IKZF2: variants seen among roughly 807,000 people sequenced by gnomAD.
IKZF2 encodes the protein zinc finger protein Helios.
Under a neutral mutation model 49.2 loss-of-function variants are expected in IKZF2, and 15 were observed. The observed-to-expected ratio is 0.30, with a 90% CI of 0.20 to 0.47. The LOEUF is 0.47. Ranked by LOEUF, IKZF2 falls within the 20% of genes least tolerant of loss-of-function variation. The pLI is 1.00. For missense variants in IKZF2, 567 were observed against 664.6 expected (o/e 0.85, Z 1.61); for synonymous variants, 227 against 221.4 (o/e 1.03, Z -0.23).
chr2:213,139,682 T>C (rs1392462005), intron 4 of IKZF2, among the ~76,000 whole-genome samples: 1 of 151,998 alleles, frequency 6.6e-6, no homozygotes, highest in Non-Finnish European at 1.5e-5. Flanking sequence ...CCACTCTAAG[T>C]GTGCCACAAA....
Position 213,083,384 on chromosome 2 carries a change from C to CTTTTTTTTT in IKZF2, c.140-26294_140-26286dup, listed in dbSNP as rs753296985. ...ACTAGATTCTCATAGGACGGCGAACCTTTTTTTTTTTTTTTTTTTTTTTGA... is the reference window on the plus strand; with the variant it reads ...ACTAGATTCTCATAGGACGGCGAACCTTTTTTTTTTTTTTTTTTTTTTTTTTTTTTTTGA... On this transcript the variant is annotated intron_variant, in intron 4 of 8. Transcript: ENST00000434687. Among the ~76,000 whole-genome samples, 9 of 80,158 alleles carry CTTTTTTTTT rather than the reference C, an allele frequency of 1.1e-4. 1 individual carries two copies. The highest frequency in any genetic ancestry group is 3.6e-4 in the African/African-American group (6 of 16,716). The allele number at this position is 80,158 out of a possible 152,430, so 52.6% of individuals were successfully genotyped here. A position where few individuals can be genotyped will look rare whatever the true frequency, so the allele number is the denominator to read the frequency against.
At chr2:213,008,524 G>A (rs976089609) in intron 8 of IKZF2, among the ~76,000 whole-genome samples, 11 of 151,920 alleles carry the variant, frequency 7.2e-5, no homozygotes, top group African/African-American at 2.4e-4. Flanking sequence ...GAGACACTGG[G>A]TCTGGCCACA....
intron 4 of IKZF2, among the ~76,000 whole-genome samples, chr2:213,101,764 T>G (rs1706706221): frequency 6.6e-6 from 1 of 152,202 alleles, no homozygotes; most frequent in Admixed American, 6.6e-5. Flanking sequence ...ATAGTACAGC[T>G]TGTTCCATGT....
chr2:213,145,083 C>CAGT (rs1472734920), intron 4 of IKZF2, among the ~76,000 whole-genome samples: 1 of 151,074 alleles, frequency 6.6e-6, no homozygotes, highest in Non-Finnish European at 1.5e-5. Context: ...TGGGACCTTA[C>CAGT]AGTAGTACTG....
chr2:213,049,427 T>C (rs1412355562), intron 6 of IKZF2, among the ~76,000 whole-genome samples: 1 of 152,112 alleles, frequency 6.6e-6, no homozygotes, highest in Non-Finnish European at 1.5e-5. Context: ...CATTCTTAAT[T>C]GTAAAATTTT....
At chr2:213,083,384 CTTTTTTTTTTT>C (rs753296985) in intron 4 of IKZF2, among the ~76,000 whole-genome samples, 1 of 80,158 alleles carries the variant, frequency 1.2e-5, no homozygotes, top group East Asian at 3.0e-4. Context: ...GACGGCGAAC[CTTTTTTTTTTT>C]TTTTTTTTTT....
At chr2:213,128,650 G>A (rs1298751239) in intron 4 of IKZF2, among the ~76,000 whole-genome samples, 1 of 151,832 alleles carries the variant, frequency 6.6e-6, no homozygotes, top group African/African-American at 2.4e-5. Context: ...TTTTCAGACA[G>A]AGTCTCACTT....
chr2:213,040,156 TATGAGATGC>T lies in IKZF2; in HGVS notation c.574+9548_574+9556del, dbSNP rs1482026373. ...CTGGTAGAAAAATATTTTGAGACTC[TATGAGATGC>T]ATTCTGTTTTTTTAACTTTTATTTT... On this transcript the variant is annotated intron_variant, in intron 6 of 8. Transcript: ENST00000434687. Among the ~76,000 whole-genome samples the T allele has an allele frequency of 3.3e-5, 5 of 152,042 alleles. No individual in the cohort carries two copies. In the East Asian group the frequency reaches 9.6e-4, roughly 29 times the overall value.
rs1694991140 is a variant in IKZF2, at chr2:213,002,456, T to C, written c.*4904A>G. On this transcript the variant is annotated 3_prime_UTR_variant, in exon 9 of 9. Coordinates refer to ENST00000434687, the MANE Select transcript of IKZF2 (RefSeq NM_001387220.1). ...GGTTTCTGCAATAAATGTAAAAATA[T>C]TCAAGGTGTCATTATTTGGCCTAGT... 1 of 151,538 alleles carries C rather than the reference T, an allele frequency of 6.6e-6. No individual in the cohort carries two copies. The highest frequency in any genetic ancestry group is 1.5e-5 in the Non-Finnish European group (1 of 67,554). The allele number at this position is 151,538 out of a possible 1,614,324, so 9.4% of individuals were successfully genotyped here. A position where few individuals can be genotyped will look rare whatever the true frequency, so the allele number is the denominator to read the frequency against.
chr2:213,064,663 T>G (rs1197018761), intron 4 of IKZF2, among the ~76,000 whole-genome samples: 4 of 152,072 alleles, frequency 2.6e-5, no homozygotes, highest in Non-Finnish European at 5.9e-5. Flanking sequence ...AACAGCAGTC[T>G]ATCCCTTTAT....
Position 213,077,840 on chromosome 2 carries a change from G to A in IKZF2, c.140-20741C>T, listed in dbSNP as rs564697295. ...CCTGACCTCGTGATCCACCCTCCTC[G>A]GCCTCCCAAAGTACTGGGATTACAG... On this transcript the variant is annotated intron_variant, in intron 4 of 8. Transcript: ENST00000434687. Among the ~76,000 whole-genome samples, 9 of 151,898 alleles carry A rather than the reference G, an allele frequency of 5.9e-5. No individual in the cohort carries two copies. In the South Asian group the frequency reaches 6.2e-4, roughly 11 times the overall value.
At position 213,150,704 on chromosome 2, in the gene IKZF2, G is replaced by T. The variant is rs900173381; in HGVS notation, c.-119-457C>A. The stretch of plus-strand genomic sequence containing the variant: ...TAAGACAAGAAAACTGAAAGAAAAG[G>T]GGGGGGGGGCGGGTAGAGGGGAGGG... On this transcript the variant is annotated intron_variant, in intron 1 of 8. Transcript: ENST00000434687. Among the ~76,000 whole-genome samples, 170 of 112,696 alleles carry T rather than the reference G, an allele frequency of 1.5e-3. 2 individuals are homozygous for T. The highest frequency in any genetic ancestry group is 4.4e-4 in the Non-Finnish European group (22 of 50,010). 73.9% of individuals were successfully genotyped at this position (112,696 alleles called of 152,430 possible).
intron 8 of IKZF2, among the ~76,000 whole-genome samples, chr2:213,010,019 A>C (rs1472502196): frequency 6.6e-6 from 1 of 152,148 alleles, no homozygotes; most frequent in African/African-American, 2.4e-5. Flanking sequence ...AAAGGAATAC[A>C]GATTGAAGGG....
intron 4 of IKZF2, 112 bp downstream of exon 4, chr2:213,147,596 C>G: frequency 1.2e-6 from 1 of 814,066 alleles, no homozygotes; most frequent in Non-Finnish European, 2.2e-6. Context: ...TTAGCAAAAT[C>G]TATAACAGTA....
In IKZF2 at chr2:213,002,483, A is replaced by G. The variant is rs2124950410; in HGVS notation, c.*4877T>C. On this transcript the variant is annotated 3_prime_UTR_variant, in exon 9 of 9. Coordinates refer to ENST00000434687, the MANE Select transcript of IKZF2 (RefSeq NM_001387220.1). ...CAAGGTGTCATTATTTGGCCTAGTAATACACTATGATAAAAAGAAACACTA... is the reference window on the plus strand; with the variant it reads ...CAAGGTGTCATTATTTGGCCTAGTAGTACACTATGATAAAAAGAAACACTA... 1 of 151,668 alleles carries G rather than the reference A, an allele frequency of 6.6e-6. No individual in the cohort carries two copies. The highest frequency in any genetic ancestry group is 2.1e-4 in the South Asian group (1 of 4,826). 9.4% of individuals were successfully genotyped at this position (151,668 alleles called of 1,614,324 possible). A position where few individuals can be genotyped will look rare whatever the true frequency, so the allele number is the denominator to read the frequency against.
intron 4 of IKZF2, among the ~76,000 whole-genome samples, chr2:213,073,964 A>C (rs1702977573): frequency 6.6e-6 from 1 of 152,196 alleles, no homozygotes. Context: ...TGGTCCCTTG[A>C]ATGTATTTTA....
intron 6 of IKZF2, among the ~76,000 whole-genome samples, chr2:213,042,433 C>T (rs7562974): frequency 0.57 from 87,190 of 151,982 alleles, 25,894 homozygotes; most frequent in East Asian, 0.76. Context: ...TTCTTTGGTA[C>T]GTCCGAGTAT....
At chr2:213,051,276 T>A (rs931407323) in intron 5 of IKZF2, among the ~76,000 whole-genome samples, 1 of 151,992 alleles carries the variant, frequency 6.6e-6, no homozygotes, top group East Asian at 1.9e-4. Flanking sequence ...ATTTAAAAAT[T>A]GGTAGATCAA....
At chr2:213,073,495 A>G (rs1006868343) in intron 4 of IKZF2, among the ~76,000 whole-genome samples, 4 of 152,230 alleles carry the variant, frequency 2.6e-5, no homozygotes, top group African/African-American at 9.6e-5. Flanking sequence ...TCATAAATAT[A>G]AAAAGGTTTT....
Sources: gnomAD v4.1 joint callset for allele counts (sites outside exome capture counted in the v4.1 genomes callset) on GRCh38, gnomAD v4.1.1 for gene constraint, MANE v1.5 for transcripts, NCBI Gene and HGNC (gene_info 2026-07-23, HGNC 2026-07-21) for gene names.